Variants in RMDN2 observed in about 807,000 individuals in gnomAD.
RMDN2 encodes the protein regulator of microtubule dynamics 2, also known as regulator of microtubule dynamics protein 2.
In RMDN2, 61 loss-of-function variants were observed where a neutral mutation model predicts 52.8. That is an observed-to-expected ratio of 1.16 (90% CI 0.94 to 1.43). RMDN2 has a LOEUF of 1.43. Ranked by LOEUF, RMDN2 falls within the 40% of genes most tolerant of loss-of-function variation. The pLI, the probability that RMDN2 is intolerant of heterozygous loss-of-function variation, is 0.00. For synonymous variants in RMDN2, 180 were observed against 153.1 expected (o/e 1.18, Z -1.30); for missense variants, 592 against 475.3 (o/e 1.25, Z -2.28).
Position 37,989,589 on chromosome 2 carries a change from CA to C in RMDN2, c.844del (p.Ile282SerfsTer11), listed in dbSNP as rs764760900. 87 of 1,607,044 alleles carry C rather than the reference CA, an allele frequency of 5.4e-5. No individual in the cohort carries two copies. Among genetic ancestry groups the C allele is most frequent in the Non-Finnish European group, 7.1e-5 (84 of 1,176,198 alleles). Reference sequence around the variant, plus strand: ...TATCTGAGTTTGAGGGTTTACAAAACAAAATCAACTATGGGCACCTCTTCAA... The same window carrying C: ...TATCTGAGTTTGAGGGTTTACAAAACAAATCAACTATGGGCACCTCTTCAA... ...YVSEFEGLQN[K>X]INYGHLFKEH... is the part of the protein sequence containing the mutation. On this transcript the variant is annotated frameshift_variant, in exon 6 of 11. Transcript: ENST00000354545. LOFTEE classifies it high-confidence loss of function.
chr2:38,015,874 A>G (rs1678704120), intron 10 of RMDN2, among the ~76,000 whole-genome samples: 2 of 152,258 alleles, frequency 1.3e-5, no homozygotes, highest in Non-Finnish European at 2.9e-5. Context: ...CAGCACAATC[A>G]TATGACTTTA....
chr2:38,066,783 A>C (rs1459192942), intron 10 of RMDN2: 7 of 563,552 alleles, frequency 1.2e-5, no homozygotes, highest in African/African-American at 3.8e-5. Context: ...TATTTTTCCC[A>C]TGAAAATATT....
At chr2:38,010,691 C>G (rs960932990) in intron 10 of RMDN2, among the ~76,000 whole-genome samples, 2 of 152,198 alleles carry the variant, frequency 1.3e-5, no homozygotes, top group Non-Finnish European at 2.9e-5. Flanking sequence ...AGCTTCGGCT[C>G]ATGCTCGGTG....
chr2:38,017,286 T>A lies in RMDN2; in HGVS notation c.*47T>A. 6.8e-7 allele frequency: 1 copy of A among 1,478,062 alleles called. No homozygotes were observed. The allele number at this position is 1,478,062 out of a possible 1,614,324, so 91.6% of individuals were successfully genotyped here. ...CAAATCAGATGTGGTCTACCAAAAT[T>A]TAAATGAATCAAAGTTGTGCTTTTA... On this transcript the variant is annotated 3_prime_UTR_variant, in exon 11 of 11. Transcript: ENST00000354545.
At position 37,950,642 on chromosome 2, in the gene RMDN2, A is replaced by T; in HGVS notation, c.452+20913A>T. The T allele has an allele frequency of 1.3e-6, 2 of 1,591,236 alleles. 1 individual carries two copies. Among genetic ancestry groups the T allele is most frequent in the South Asian group, 2.2e-5 (2 of 90,618 alleles). ...CAACATGTGCTAAAAGAACATTGAAAATATTCATAAACGAAGCTTTAGTGC... is the reference window on the plus strand; with the variant it reads ...CAACATGTGCTAAAAGAACATTGAATATATTCATAAACGAAGCTTTAGTGC... On this transcript the variant is annotated intron_variant, in intron 2 of 10. Coordinates refer to ENST00000354545, the MANE Select transcript of RMDN2 (RefSeq NM_001170791.3).
chr2:37,997,605 G>T (rs1464927675), intron 8 of RMDN2, 91 bp downstream of exon 8: 2 of 845,626 alleles, frequency 2.4e-6, no homozygotes, highest in Non-Finnish European at 2.0e-6. Flanking sequence ...TTTTCTCCAT[G>T]TGGAGCCTCA....
chr2:37,952,070 A>G (rs1331253736), intron 2 of RMDN2: 2 of 1,613,104 alleles, frequency 1.2e-6, no homozygotes, highest in Non-Finnish European at 1.7e-6. Flanking sequence ...GATTTTCTTC[A>G]TCTTATAAAA....
At chr2:37,956,175 C>T (rs371235154) in intron 2 of RMDN2, among the ~76,000 whole-genome samples, 181 of 152,236 alleles carry the variant, frequency 1.2e-3, no homozygotes, top group South Asian at 4.1e-3. Flanking sequence ...CACTGTCAAA[C>T]GCCACCAAAT....
At chr2:37,969,064 A>C (rs1326216883) in intron 2 of RMDN2, among the ~76,000 whole-genome samples, 2 of 151,884 alleles carry the variant, frequency 1.3e-5, no homozygotes, top group East Asian at 3.8e-4. Context: ...AATGTGGGAA[A>C]TAGACTAGCG....
intron 7 of RMDN2, among the ~76,000 whole-genome samples, chr2:37,996,944 A>T (rs1007500177): frequency 6.6e-6 from 1 of 152,056 alleles, no homozygotes; most frequent in Non-Finnish European, 1.5e-5. Context: ...CATATCTGAG[A>T]TGCTACCTCT....
downstream of RMDN2, among the ~76,000 whole-genome samples, chr2:38,018,880 G>GCACGCA (rs1229735637): frequency 1.3e-5 from 2 of 152,126 alleles, no homozygotes; most frequent in African/African-American, 4.8e-5. Flanking sequence ...GGGTGCACAT[G>GCACGCA]CACGCACACG....
At chr2:38,056,615 A>G (rs11894233) in intron 10 of RMDN2, among the ~76,000 whole-genome samples, 3,029 of 152,330 alleles carry the variant, frequency 0.02, 105 homozygotes, top group African/African-American at 0.068. Context: ...ATGTAAGAAC[A>G]TATAATAATT....
At position 38,004,002 on chromosome 2, in the gene RMDN2, A is replaced by G. The variant is rs143879249; in HGVS notation, c.1056A>G (p.Leu352=). 4.3e-6 allele frequency: 7 copies of G among 1,612,632 alleles called. No homozygotes were observed. Among genetic ancestry groups the G allele is most frequent in the African/African-American group, 4.0e-5 (3 of 74,912 alleles). The change falls in exon 9 of 11, where the codon CTA becomes CTG. Residue 352 remains leucine (L), a synonymous_variant. Transcript: ENST00000354545. ...ALHNFLKAEE[L]CPGYSNPNYM... Reference sequence around the variant, plus strand: ...TTCTCTCAAATCAGGCTGAAGAACTATGCCCTGGTTATTCTAATCCCAATT... The same window carrying G: ...TTCTCTCAAATCAGGCTGAAGAACTGTGCCCTGGTTATTCTAATCCCAATT...
chr2:38,024,100 G>A (rs1679592957), intron 10 of RMDN2, among the ~76,000 whole-genome samples: 1 of 152,042 alleles, frequency 6.6e-6, no homozygotes, highest in South Asian at 2.1e-4. Context: ...TCATCCATGT[G>A]GTAACATGAA....
intron 2 of RMDN2, among the ~76,000 whole-genome samples, chr2:37,963,524 T>G (rs530804541): frequency 7.7e-6 from 1 of 129,048 alleles, no homozygotes; most frequent in African/African-American, 2.8e-5. Flanking sequence ...TGACTCTTAA[T>G]GAGCATGCTG....
chr2:38,063,031 G>C (rs1488029265), intron 10 of RMDN2, among the ~76,000 whole-genome samples: 1 of 152,048 alleles, frequency 6.6e-6, no homozygotes. Context: ...TGGACATTTG[G>C]GTTGGTTCCA....
At chr2:37,992,072 A>G (rs1322506746) in intron 7 of RMDN2, among the ~76,000 whole-genome samples, 1 of 152,240 alleles carries the variant, frequency 6.6e-6, no homozygotes, top group African/African-American at 2.4e-5. Context: ...TATGCCAAAT[A>G]TGCATTCTGT....
chr2:37,930,921 C>T (rs1666682736), intron 2 of RMDN2, among the ~76,000 whole-genome samples: 2 of 152,194 alleles, frequency 1.3e-5, no homozygotes, highest in Non-Finnish European at 2.9e-5. Flanking sequence ...GCAGGCAGCG[C>T]ATGGGTCTGT....
intron 10 of RMDN2, among the ~76,000 whole-genome samples, chr2:38,008,092 C>G (rs1316852451): frequency 6.6e-6 from 1 of 152,126 alleles, no homozygotes; most frequent in Non-Finnish European, 1.5e-5. Flanking sequence ...AATTTCTGTT[C>G]TTTTACATTT....
Sources: allele counts gnomAD v4.1 joint callset (sites outside exome capture counted in the v4.1 genomes callset), GRCh38; gene constraint gnomAD v4.1.1; transcripts MANE v1.5; gene names NCBI Gene and HGNC (gene_info 2026-07-23, HGNC 2026-07-21).